The following CDH23 variants were observed in gnomAD, a reference collection of about 807,000 sequenced individuals.
The protein encoded by CDH23 is cadherin-23.
In CDH23, 189 loss-of-function variants were observed where a neutral mutation model predicts 317.1. The ratio of observed to expected loss-of-function variants is 0.60; its 90% CI spans 0.53 to 0.67. The LOEUF is 0.67. CDH23 is among the 30% of genes least tolerant of loss of function. CDH23 has a pLI of 0.00. For missense variants in CDH23, 4,401 were observed against 4,592.4 expected, an observed-to-expected ratio of 0.96 and a Z score of 1.20; for synonymous variants, 1,839 against 1,876.8, an observed-to-expected ratio of 0.98 and a Z score of 0.52.
intron 38 of CDH23, among the ~76,000 whole-genome samples, chr10:71,763,637 C>A (rs1840454745): frequency 6.6e-6 from 1 of 152,244 alleles, no homozygotes; most frequent in Non-Finnish European, 1.5e-5. Context: ...TGAGCCCCGA[C>A]TCCTCACTCA....
intron 34 of CDH23, among the ~76,000 whole-genome samples, chr10:71,734,956 C>T (rs115660651): frequency 1.1e-3 from 168 of 152,368 alleles, no homozygotes; most frequent in African/African-American, 3.8e-3. Flanking sequence ...CAGCTCCACT[C>T]CTCGATGGCT....
rs3936957 is a variant in CDH23 at position 71,444,579 on chromosome 10, T to A, written c.68-1739T>A. On this transcript the variant is annotated intron_variant, in intron 2 of 69. Coordinates refer to ENST00000224721, the MANE Select transcript of CDH23 (RefSeq NM_022124.6). ...CAGAAGGGCCATCGGTCCTGGCCAG[T>A]AAGTGAGAGAGGGCAGAATAAGGGA... 2.0e-5 allele frequency among the ~76,000 whole-genome samples: 3 copies of A among 152,164 alleles called. No homozygotes were observed. The East Asian group carries it at 5.8e-4, about 29-fold the overall frequency.
chr10:71,814,845 G>T, intron 69 of CDH23, 107 bp from the exon 70 acceptor site: 1 of 1,302,226 alleles, frequency 7.7e-7, no homozygotes. Context: ...GGCCTGCTGC[G>T]GTAGGAGCCC....
intron 14 of CDH23, among the ~76,000 whole-genome samples, chr10:71,664,015 A>C (rs9415029): frequency 1.9e-5 from 2 of 106,314 alleles, no homozygotes; most frequent in South Asian, 5.5e-4. Context: ...AAAAAAAAAA[A>C]GGATTACGGA....
intron 3 of CDH23, among the ~76,000 whole-genome samples, chr10:71,471,045 G>A (rs1219715722): frequency 1.3e-5 from 2 of 152,118 alleles, no homozygotes; most frequent in African/African-American, 4.8e-5. Context: ...GAGTCCTTTA[G>A]CAGATATATG....
chr10:71,480,722 A>G (rs1469570264), intron 3 of CDH23, among the ~76,000 whole-genome samples: 1 of 152,214 alleles, frequency 6.6e-6, no homozygotes, highest in African/African-American at 2.4e-5. Context: ...TACTGAGTGC[A>G]GAGAAGGCTG....
intron 18 of CDH23, among the ~76,000 whole-genome samples, chr10:71,686,710 G>A (rs1035009065): frequency 3.2e-4 from 49 of 152,244 alleles, no homozygotes; most frequent in African/African-American, 1.1e-3. Flanking sequence ...CAACGGTGCC[G>A]GGACTCAGCC....
intron 1 of CDH23, among the ~76,000 whole-genome samples, chr10:71,430,695 A>G (rs1379289179): frequency 1.3e-5 from 2 of 152,096 alleles, no homozygotes; most frequent in African/African-American, 2.4e-5. Flanking sequence ...CTGTACTCCC[A>G]TGTACTCCCA....
Position 71,810,063 on chromosome 10 carries a change from C to G in CDH23, c.8966C>G (p.Thr2989Ser). The change falls in exon 61 of 70, where the codon ACT becomes AGT. Residue 2989 changes from threonine (T) to serine (S), a missense_variant. Physicochemically the swap from Thr to Ser is moderately conservative, Grantham distance 58. Transcript: ENST00000224721. ...LSNITGAIVN[T>S]DNVQFHVDKK... Reference sequence around the variant, plus strand: ...AACATCACTGGGGCCATTGTCAATACTGACAATGTGCAGGTGCCTCATGGG... The same window carrying G: ...AACATCACTGGGGCCATTGTCAATAGTGACAATGTGCAGGTGCCTCATGGG... 1.2e-6 allele frequency: 2 copies of G among 1,612,304 alleles called. No individual in the cohort carries two copies. The highest frequency in any genetic ancestry group is 1.7e-6 in the Non-Finnish European group (2 of 1,179,620).
chr10:71,751,322 G>A lies in CDH23; in HGVS notation c.4845+9401G>A, dbSNP rs373627432. ...GAAAAGGAGAAGCAAAGTGAACGGG[G>A]CCCCTCTGCCCCTCACCCTCAACCC... is the stretch of plus-strand genomic sequence containing the variant. On this transcript the variant is annotated intron_variant, in intron 38 of 69. Transcript: ENST00000224721. The surrounding 1 kb of genome is among the most constrained non-coding windows in gnomAD (Gnocchi z 4.9). The A allele has an allele frequency of 1.9e-4, 304 of 1,598,498 alleles. No individual in the cohort carries two copies. Among genetic ancestry groups the A allele is most frequent in the Non-Finnish European group, 2.5e-4 (290 of 1,171,422 alleles).
chr10:71,486,778 C>G (rs1043486713), intron 3 of CDH23, among the ~76,000 whole-genome samples: 2 of 152,100 alleles, frequency 1.3e-5, no homozygotes, highest in African/African-American at 4.8e-5. Context: ...ACAGACTGAG[C>G]TGGAAATTGC....
chr10:71,480,555 T>G (rs1377528526), intron 3 of CDH23, among the ~76,000 whole-genome samples: 1 of 152,116 alleles, frequency 6.6e-6, no homozygotes, highest in East Asian at 1.9e-4. Context: ...ACAACTTGGA[T>G]GTGAGGATGG....
chr10:71,691,594 A>G (rs1397499551), intron 20 of CDH23, among the ~76,000 whole-genome samples: 4 of 152,220 alleles, frequency 2.6e-5, no homozygotes, highest in African/African-American at 9.6e-5. Context: ...CCACATGATG[A>G]TTCTGGGACC....
chr10:71,505,167 G>A (rs1264947046), intron 3 of CDH23, among the ~76,000 whole-genome samples: 3 of 152,184 alleles, frequency 2.0e-5, no homozygotes, highest in African/African-American at 2.4e-5. Flanking sequence ...GAGGAAGTGA[G>A]ACAGGAAGGG....
intron 61 of CDH23, 21 bp from the exon 62 acceptor site, chr10:71,810,451 A>G (rs1564806974): frequency 1.2e-5 from 20 of 1,612,354 alleles, no homozygotes; most frequent in Non-Finnish European, 1.6e-5. Context: ...GCCACACCCT[A>G]CAATACCCCT....
intron 4 of CDH23, among the ~76,000 whole-genome samples, chr10:71,510,572 C>T (rs1262969187): frequency 2.6e-5 from 4 of 152,026 alleles, no homozygotes; most frequent in Non-Finnish European, 5.9e-5. Flanking sequence ...CAGGAATTGA[C>T]GGCATGGTAG....
At chr10:71,596,100 G>T (rs1266924329) in intron 9 of CDH23, among the ~76,000 whole-genome samples, 1 of 151,986 alleles carries the variant, frequency 6.6e-6, no homozygotes, top group Non-Finnish European at 1.5e-5. Flanking sequence ...CCTGCTCAGG[G>T]GTGGTGGGAG....
intron 38 of CDH23, chr10:71,773,481 C>T: frequency 6.5e-7 from 1 of 1,549,340 alleles, no homozygotes; most frequent in Non-Finnish European, 8.8e-7. Flanking sequence ...TGCCGGGGAG[C>T]GGGCGGGACG....
intron 28 of CDH23, chr10:71,715,853 G>A: frequency 4.5e-6 from 6 of 1,339,650 alleles, no homozygotes; most frequent in Non-Finnish European, 5.9e-6. Flanking sequence ...CTGTCTTCCT[G>A]CAGCCTGCAG....
Sources: allele counts gnomAD v4.1 joint callset (sites outside exome capture counted in the v4.1 genomes callset), GRCh38; gene constraint gnomAD v4.1.1; non-coding constraint Gnocchi (gnomAD v3.1); transcripts MANE v1.5; gene names NCBI Gene and HGNC (gene_info 2026-07-23, HGNC 2026-07-21).